TMEM63A: variants seen among roughly 807,000 people sequenced by gnomAD.
TMEM63A encodes the protein transmembrane protein 63A.
A neutral mutation model predicts 100.6 loss-of-function variants in TMEM63A; 76 were observed. That is an observed-to-expected ratio of 0.76 (90% CI 0.63 to 0.91). The LOEUF is 0.91. TMEM63A is among the 40% of genes least tolerant of loss of function. The pLI, the probability that TMEM63A is intolerant of heterozygous loss-of-function variation, is 0.00. For missense variants in TMEM63A, 876 were observed against 1,008.8 expected (o/e 0.87, Z 1.78); for synonymous variants, 401 against 401.1 (o/e 1.00, Z 0.00).
rs1306567304 is a variant in TMEM63A at position 225,852,787 on chromosome 1, TGAG to T, written c.1798-21_1798-19del. ...GCCTGGTTCTGGGAGGAGGAGGTGG[TGAG>T]GAGCTCATGGACTTGTTCCACCTCA... On this transcript the variant is annotated intron_variant, in intron 19 of 24. Coordinates refer to ENST00000366835, the MANE Select transcript of TMEM63A (RefSeq NM_014698.3). 1.9e-6 allele frequency: 3 copies of T among 1,608,396 alleles called. No individual in the cohort carries two copies. Among genetic ancestry groups the T allele is most frequent in the Non-Finnish European group, 2.6e-6 (3 of 1,175,240 alleles).
Position 225,847,079 on chromosome 1 carries a change from G to A in TMEM63A, c.2385C>T (p.Ser795=), listed in dbSNP as rs925824879. 23 of 1,613,528 alleles carry A rather than the reference G, an allele frequency of 1.4e-5. No homozygotes were observed. The highest frequency in any genetic ancestry group is 2.2e-5 in the East Asian group (1 of 44,888). Residue 795 remains serine, a synonymous_variant, in exon 24 of 25, where the codon AGC becomes AGT. Transcript: ENST00000366835. ...GGGCAGCAGCCACACTGCCCGTGGC[G>A]CTCTGCGCCAAGCACTGTCCAGGGA... ...GTIPGQCLAQ[S]ATGSVAAAPQ... is the part of the protein sequence containing the mutation.
At position 225,862,440 on chromosome 1, in the gene TMEM63A, G is replaced by A. The variant is rs1172220943; in HGVS notation, c.951+15C>T. 7 of 1,613,978 alleles carry A rather than the reference G, an allele frequency of 4.3e-6. No individual in the cohort carries two copies. Among genetic ancestry groups the A allele is most frequent in the Non-Finnish European group, 5.1e-6 (6 of 1,179,892 alleles). On this transcript the variant is annotated intron_variant, in intron 12 of 24. Coordinates refer to ENST00000366835, the MANE Select transcript of TMEM63A (RefSeq NM_014698.3). The surrounding 1 kb of genome is among the most constrained non-coding windows in gnomAD (Gnocchi z 5.1). ...GCCAATGCCTCTGCTCCCAGCCGGG[G>A]GGTGGGACCCTTACCCACTCACAGC...
chr1:225,880,324 G>A (rs886584662), intron 1 of TMEM63A, among the ~76,000 whole-genome samples: 6 of 152,060 alleles, frequency 3.9e-5, no homozygotes, highest in Non-Finnish European at 5.9e-5. Context: ...AAACAGCTCC[G>A]TCCCTCTGGC....
At position 225,866,592 on chromosome 1, in the gene TMEM63A, C is replaced by T; in HGVS notation, c.657G>A (p.Lys219=). Residue 219 remains lysine, a synonymous_variant, in exon 9 of 25, where the codon AAG becomes AAA. Coordinates refer to ENST00000366835, the MANE Select transcript of TMEM63A (RefSeq NM_014698.3). ...CACTCACCAGGTTCTCCTCTTTGTACTTAATGGACTGAGTGTGGTGCCGCA... is the reference window on the plus strand; with the variant it reads ...CACTCACCAGGTTCTCCTCTTTGTATTTAATGGACTGAGTGTGGTGCCGCA... ...GFMRHHTQSI[K]YKEENLVRRT... is the part of the protein sequence containing the mutation. 6.2e-7 allele frequency: 1 copy of T among 1,613,992 alleles called. No homozygotes were observed. Among genetic ancestry groups the T allele is most frequent in the Non-Finnish European group, 8.5e-7 (1 of 1,179,918 alleles).
chr1:225,874,240 T>A (rs905904135), intron 4 of TMEM63A, 48 bp downstream of exon 4: 2 of 1,562,026 alleles, frequency 1.3e-6, no homozygotes, highest in Non-Finnish European at 1.8e-6. Flanking sequence ...ATATACACAC[T>A]CACACGTACG....
intron 20 of TMEM63A, among the ~76,000 whole-genome samples, chr1:225,851,317 G>A (rs1669327406): frequency 6.6e-6 from 1 of 152,172 alleles, no homozygotes; most frequent in Non-Finnish European, 1.5e-5. Context: ...GCACACAGGG[G>A]ACCAACAGAA....
downstream of TMEM63A, chr1:225,845,250 C>T: frequency 6.2e-7 from 1 of 1,614,044 alleles, no homozygotes. Flanking sequence ...ATCTCCTATT[C>T]CTACATGGTT....
downstream of TMEM63A, among the ~76,000 whole-genome samples, chr1:225,842,740 TGGGGATTAG>T (rs1164777061): frequency 1.3e-5 from 2 of 152,218 alleles, no homozygotes; most frequent in Non-Finnish European, 2.9e-5. Flanking sequence ...CAGGCCCCTC[TGGGGATTAG>T]GGAGCCCACA....
intron 4 of TMEM63A, among the ~76,000 whole-genome samples, chr1:225,872,395 AAAT>A (rs1392784121): frequency 5.3e-5 from 8 of 152,224 alleles, no homozygotes; most frequent in African/African-American, 1.9e-4. Flanking sequence ...AACTTGGAAT[AAAT>A]ACTACATTTT....
At chr1:225,869,661 C>CTTTTA (rs761220118) in intron 6 of TMEM63A, among the ~76,000 whole-genome samples, 1 of 22,432 alleles carries the variant, frequency 4.5e-5, no homozygotes, top group Non-Finnish European at 1.4e-4. Flanking sequence ...TATTTCTTTT[C>CTTTTA]TTTTCTTTTT....
At position 225,858,948 on chromosome 1, in the gene TMEM63A, A is replaced by ATG. The variant is rs57543496; in HGVS notation, c.1377+246_1377+247dup. ...GCATGTGTGTGTATATATACATATA[A>ATG]TGTGTGTGTGTGTGTGTGTGTGTGT... On this transcript the variant is annotated intron_variant, in intron 15 of 24. Transcript: ENST00000366835. Among the ~76,000 whole-genome samples the ATG allele has an allele frequency of 4.2e-3, 586 of 139,740 alleles. 4 individuals carry two copies. Among genetic ancestry groups the ATG allele is most frequent in the Middle Eastern group, 0.011 (3 of 280 alleles). The allele number at this position is 139,740 out of a possible 152,430, so 91.7% of individuals were successfully genotyped here.
chr1:225,875,540 G>A (rs551513763), intron 3 of TMEM63A, among the ~76,000 whole-genome samples: 10 of 152,316 alleles, frequency 6.6e-5, no homozygotes, highest in South Asian at 2.1e-4. Context: ...CTGAGTTCTC[G>A]TGGAATTTTC....
chr1:225,864,560 AC>A (rs1293518580), intron 10 of TMEM63A: 1 of 152,212 alleles, frequency 6.6e-6, no homozygotes, highest in Non-Finnish European at 1.5e-5. Context: ...AAGTGGAATT[AC>A]TGTTTCCAGG....
intron 17 of TMEM63A, among the ~76,000 whole-genome samples, chr1:225,856,328 T>TTTTC (rs1669609812): frequency 2.0e-5 from 1 of 49,138 alleles, no homozygotes; most frequent in South Asian, 1.1e-3. Context: ...TTCAAGCTGG[T>TTTTC]TTTTTTTTTT....
At chr1:225,881,172 G>A (rs1671068237) in intron 1 of TMEM63A, among the ~76,000 whole-genome samples, 1 of 152,216 alleles carries the variant, frequency 6.6e-6, no homozygotes, top group Admixed American at 6.5e-5. Flanking sequence ...CACAGCCCCT[G>A]GCTGAAACCA....
chr1:225,862,422 C>A lies in TMEM63A; in HGVS notation c.951+33G>T, dbSNP rs376823353. ...TATCTGGGGCACCCCGATGCCAATG[C>A]CTCTGCTCCCAGCCGGGGGGTGGGA... On this transcript the variant is annotated intron_variant, in intron 12 of 24. Transcript: ENST00000366835. This position sits in a 1 kb window ranked among gnomAD's most constrained non-coding sequence, Gnocchi z 5.1. The A allele has an allele frequency of 4.3e-6, 7 of 1,613,752 alleles. No homozygotes were observed. Among genetic ancestry groups the A allele is most frequent in the Non-Finnish European group, 5.9e-6 (7 of 1,179,794 alleles).
In TMEM63A at chr1:225,855,880, C is replaced by T; in HGVS notation, c.1632G>A (p.Leu544=). ...GAACTCAACTTGGCAATACTCACTC[C>T]AACCTGATGGAGGCCTCCGAGGAAG... is the stretch of plus-strand genomic sequence containing the variant. ...DKTSSEASIR[L]ECVFLPDQGA... Residue 544 remains leucine (L), a splice_region_variant and synonymous_variant, in exon 18 of 25, where the codon TTG becomes TTA. Coordinates refer to ENST00000366835, the MANE Select transcript of TMEM63A (RefSeq NM_014698.3). The T allele has an allele frequency of 6.2e-7, 1 of 1,614,088 alleles. No individual in the cohort carries two copies. Among genetic ancestry groups the T allele is most frequent in the Non-Finnish European group, 8.5e-7 (1 of 1,180,002 alleles).
At chr1:225,852,464 G>GC (rs1327035443) in intron 20 of TMEM63A, among the ~76,000 whole-genome samples, 200 bp downstream of exon 20, 1 of 152,184 alleles carries the variant, frequency 6.6e-6, no homozygotes, top group African/African-American at 2.4e-5. Context: ...CTGGGCATCA[G>GC]CATGAGACCC....
intron 3 of TMEM63A, among the ~76,000 whole-genome samples, chr1:225,876,998 G>A (rs1458441591): frequency 6.6e-6 from 1 of 152,132 alleles, no homozygotes; most frequent in African/African-American, 2.4e-5. Context: ...GGAACAGGAG[G>A]TGACACTTGG....
Sources: gnomAD v4.1 joint callset for allele counts (sites outside exome capture counted in the v4.1 genomes callset) on GRCh38, gnomAD v4.1.1 for gene constraint, Gnocchi (gnomAD v3.1) non-coding constraint, MANE v1.5 for transcripts, NCBI Gene and HGNC (gene_info 2026-07-23, HGNC 2026-07-21) for gene names.